The following ARPP21 variants were observed in gnomAD, a reference collection of about 807,000 sequenced individuals.
The protein encoded by ARPP21 is cAMP-regulated phosphoprotein 21.
In ARPP21, 69 loss-of-function variants were observed where a neutral mutation model predicts 113.2. The observed-to-expected ratio is 0.61, with a 90% CI of 0.50 to 0.74. The LOEUF is 0.74. ARPP21 is among the 30% of genes least tolerant of loss of function. ARPP21 has a pLI of 0.00. For missense variants in ARPP21, 1,070 were observed against 1,037.4 expected (o/e 1.03, Z -0.43); for synonymous variants, 368 against 375.5 (o/e 0.98, Z 0.23).
At chr3:35,653,986 TTAAGTAAAAAAA>T (rs891396309) in intron 1 of ARPP21, among the ~76,000 whole-genome samples, 1 of 152,014 alleles carries the variant, frequency 6.6e-6, no homozygotes, top group African/African-American at 2.4e-5. Flanking sequence ...AGATATATAA[TTAAGTAAAAAAA>T]TAAGGAAAAA....
chr3:35,659,491 C>T (rs1706650871), intron 1 of ARPP21, among the ~76,000 whole-genome samples: 2 of 152,146 alleles, frequency 1.3e-5, no homozygotes, highest in South Asian at 4.1e-4. Context: ...GTATTCTAGA[C>T]ATCTTGGCGG....
rs754572216 is a variant in ARPP21 at position 35,784,435 on chromosome 3, G to A, written c.2138-7947G>A. 2.0e-5 allele frequency among the ~76,000 whole-genome samples: 3 copies of A among 152,298 alleles called. No individual in the cohort carries two copies. The South Asian group carries it at 6.2e-4, about 32-fold the overall frequency. On this transcript the variant is annotated intron_variant, in intron 19 of 20. Transcript: ENST00000684406. ...AATCAGCGCTTTTGTTTTTCAGAGAGACAGTTTTCCAGCAGACTACTGATA... is the reference window on the plus strand; with the variant it reads ...AATCAGCGCTTTTGTTTTTCAGAGAAACAGTTTTCCAGCAGACTACTGATA...
chr3:35,787,104 G>A (rs1330406468), intron 19 of ARPP21, among the ~76,000 whole-genome samples: 2 of 152,200 alleles, frequency 1.3e-5, no homozygotes, highest in African/African-American at 4.8e-5. Context: ...AGTAGTCTAT[G>A]AATTCCAAAA....
chr3:35,699,743 C>T (rs1228784052), intron 9 of ARPP21, among the ~76,000 whole-genome samples: 2 of 151,696 alleles, frequency 1.3e-5, no homozygotes, highest in Non-Finnish European at 2.9e-5. Context: ...AAGTCTGTAC[C>T]TTCACTGGGA....
chr3:35,794,103 A>T lies in ARPP21; in HGVS notation c.*145A>T, dbSNP rs189838225. The T allele has an allele frequency of 1.4e-6, 1 of 727,138 alleles. No individual in the cohort carries two copies. Among genetic ancestry groups the T allele is most frequent in the Admixed American group, 2.6e-5 (1 of 38,402 alleles). 45.0% of individuals were successfully genotyped at this position (727,138 alleles called of 1,614,324 possible). ...GGTATTCTGTAAAAAATAAACAAAG[A>T]CTAATATACACGTTAGCTGGTTAAT... On this transcript the variant is annotated 3_prime_UTR_variant, in exon 21 of 21. Transcript: ENST00000684406.
At position 35,703,334 on chromosome 3, in the gene ARPP21, C is replaced by A. The variant is rs76235389; in HGVS notation, c.687-3640C>A. 9.0e-3 allele frequency among the ~76,000 whole-genome samples: 1,366 copies of A among 151,940 alleles called. 17 individuals carry two copies. The highest frequency in any genetic ancestry group is 0.015 in the Non-Finnish European group (1,012 of 67,820). On this transcript the variant is annotated intron_variant, in intron 9 of 20. Coordinates refer to ENST00000684406, the MANE Select transcript of ARPP21 (RefSeq NM_001385562.1). Reference sequence around the variant, plus strand: ...TAGAACACAAGAGTTTGATTATCTTCACTCAGCCACACTGTTTGTCAATTC... The same window carrying A: ...TAGAACACAAGAGTTTGATTATCTTAACTCAGCCACACTGTTTGTCAATTC...
intron 19 of ARPP21, among the ~76,000 whole-genome samples, chr3:35,769,874 C>CA (rs2096133206): frequency 6.6e-6 from 1 of 152,156 alleles, no homozygotes; most frequent in Non-Finnish European, 1.5e-5. Context: ...CTTGGAAGGG[C>CA]ATATGGTGGT....
Position 35,792,632 on chromosome 3 carries a change from G to A in ARPP21, c.2286+102G>A, listed in dbSNP as rs566772638. ...GTTTGGGTGGCTGGCTGGGTAATGC[G>A]TGCTTGGTCCATAACTGTTGATAAT... On this transcript the variant is annotated intron_variant, in intron 20 of 20. Coordinates refer to ENST00000684406, the MANE Select transcript of ARPP21 (RefSeq NM_001385562.1). 5.7e-5 allele frequency: 57 copies of A among 1,003,334 alleles called. No individual in the cohort carries two copies. The East Asian group carries it at 7.6e-4, about 13-fold the overall frequency. The allele number at this position is 1,003,334 out of a possible 1,614,324, so 62.2% of individuals were successfully genotyped here. A position where few individuals can be genotyped will look rare whatever the true frequency, so the allele number is the denominator to read the frequency against.
At chr3:35,701,807 G>A (rs2086523157) in intron 9 of ARPP21, among the ~76,000 whole-genome samples, 1 of 151,082 alleles carries the variant, frequency 6.6e-6, no homozygotes, top group East Asian at 1.9e-4. Context: ...TAGAAGCAGG[G>A]ATCATAATTA....
At chr3:35,771,476 C>A (rs1014397855) in intron 19 of ARPP21, among the ~76,000 whole-genome samples, 2 of 151,908 alleles carry the variant, frequency 1.3e-5, no homozygotes, top group Non-Finnish European at 2.9e-5. Flanking sequence ...CTACAGGCGC[C>A]CATCATCATG....
intron 11 of ARPP21, among the ~76,000 whole-genome samples, chr3:35,713,877 C>A (rs774255210): frequency 6.6e-6 from 1 of 152,118 alleles, no homozygotes; most frequent in African/African-American, 2.4e-5. Flanking sequence ...CACAATCAAC[C>A]ACTTTCCAAC....
intron 1 of ARPP21, among the ~76,000 whole-genome samples, chr3:35,670,998 G>A (rs1165127068): frequency 6.6e-6 from 1 of 152,058 alleles, no homozygotes; most frequent in African/African-American, 2.4e-5. Context: ...TCAAATCCTT[G>A]ACAGCTTAGA....
At chr3:35,732,827 A>G (rs752562556) in intron 15 of ARPP21, among the ~76,000 whole-genome samples, 1 of 152,096 alleles carries the variant, frequency 6.6e-6, no homozygotes, top group Admixed American at 6.5e-5. Flanking sequence ...CCATAATTCT[A>G]TATTTTTATT....
intron 18 of ARPP21, among the ~76,000 whole-genome samples, chr3:35,742,332 G>C (rs560970921): frequency 6.6e-6 from 1 of 152,286 alleles, no homozygotes; most frequent in South Asian, 2.1e-4. Flanking sequence ...GATGCATAAT[G>C]GTAGTCATCT....
intron 9 of ARPP21, among the ~76,000 whole-genome samples, chr3:35,697,292 A>G (rs2084425152): frequency 6.6e-6 from 1 of 151,620 alleles, no homozygotes; most frequent in Non-Finnish European, 1.5e-5. Context: ...AGGCCCTAGA[A>G]ACTGTGAAAC....
chr3:35,648,981 T>C (rs909532167), intron 1 of ARPP21, among the ~76,000 whole-genome samples: 1 of 152,206 alleles, frequency 6.6e-6, no homozygotes, highest in African/African-American at 2.4e-5. Flanking sequence ...ACATATATAT[T>C]GCTAGAGTCG....
chr3:35,702,547 T>C (rs2086824456), intron 9 of ARPP21, among the ~76,000 whole-genome samples: 2 of 151,812 alleles, frequency 1.3e-5, no homozygotes, highest in African/African-American at 2.4e-5. Context: ...TTGTTGTTCA[T>C]GAAAAGTCTT....
intron 1 of ARPP21, among the ~76,000 whole-genome samples, chr3:35,644,622 C>T (rs1393588405): frequency 1.3e-5 from 2 of 151,764 alleles, no homozygotes; most frequent in Non-Finnish European, 3.0e-5. Flanking sequence ...AATAGCTATG[C>T]AGCAAACCAA....
At chr3:35,775,165 C>T (rs552176358) in intron 19 of ARPP21, 1 of 152,290 alleles carries the variant, frequency 6.6e-6, no homozygotes, top group African/African-American at 2.4e-5. Flanking sequence ...ACAACTTAAT[C>T]ATTCATTTCT....
Sources: allele counts gnomAD v4.1 joint callset (sites outside exome capture counted in the v4.1 genomes callset), GRCh38; gene constraint gnomAD v4.1.1; transcripts MANE v1.5; gene names NCBI Gene and HGNC (gene_info 2026-07-23, HGNC 2026-07-21).